C22orf23: variants seen among roughly 807,000 people sequenced by gnomAD.
C22orf23 encodes chromosome 22 open reading frame 23.
C22orf23 carries 30 observed loss-of-function variants against 29.7 expected under a neutral mutation model. The ratio of observed to expected loss-of-function variants is 1.01; its 90% confidence interval spans 0.76 to 1.37. The LOEUF is 1.37. Ranked by LOEUF, C22orf23 falls within the 40% of genes most tolerant of loss-of-function variation. The pLI is 0.00. For synonymous variants in C22orf23, 90 were observed against 96.1 expected (o/e 0.94, Z 0.37); for missense variants, 237 against 273.1 (o/e 0.87, Z 0.93).
chr22:37,950,620 T>C (rs555679714), intron 3 of C22orf23, among the ~76,000 whole-genome samples: 3 of 151,776 alleles, frequency 2.0e-5, no homozygotes, highest in Non-Finnish European at 2.9e-5. Context: ...TTAAAAAATT[T>C]TGGGGGCTGG....
intron 3 of C22orf23, among the ~76,000 whole-genome samples, chr22:37,949,327 A>C (rs1601851364): frequency 7.1e-6 from 1 of 141,142 alleles, no homozygotes; most frequent in African/African-American, 2.7e-5. Context: ...TCTGTTGCCC[A>C]GGCTGGAGTG....
At chr22:37,948,638 GAAACA>G (rs952257259) in intron 3 of C22orf23, among the ~76,000 whole-genome samples, 111 of 152,078 alleles carry the variant, frequency 7.3e-4, no homozygotes, top group African/African-American at 2.1e-3. Flanking sequence ...AAAACAAAAT[GAAACA>G]AAACAAAACA....
intron 2 of C22orf23, chr22:37,951,797 C>CTTTTTTTTTTTTTTTTTT (rs551481283): frequency 1.0e-4 from 4 of 38,750 alleles, no homozygotes; most frequent in African/African-American, 2.1e-4. Context: ...TCCTCTTTCT[C>CTTTTTTTTTTTTTTTTTT]TTTTTTTTTT....
At chr22:37,948,426 G>C (rs1380133381) in intron 3 of C22orf23, among the ~76,000 whole-genome samples, 4 of 151,752 alleles carry the variant, frequency 2.6e-5, no homozygotes, top group African/African-American at 9.7e-5. Context: ...TTCCAGCCTG[G>C]GTGACTGAGC....
chr22:37,947,772 T>C (rs919542277), intron 3 of C22orf23, among the ~76,000 whole-genome samples: 4 of 150,156 alleles, frequency 2.7e-5, no homozygotes, highest in Admixed American at 6.6e-5. Flanking sequence ...CCCAAAGTGC[T>C]AGGATTATAG....
At chr22:37,951,769 CCT>C in intron 2 of C22orf23, 1 of 266,260 alleles carries the variant, frequency 3.8e-6, no homozygotes, top group Non-Finnish European at 6.8e-6. Context: ...AAATTTCTGC[CCT>C]CTGTTAAATA....
In C22orf23 at chr22:37,944,413, C is replaced by A. The variant is rs977781072; in HGVS notation, c.582+4G>T. The A allele has an allele frequency of 2.5e-6, 4 of 1,614,084 alleles. No individual in the cohort carries two copies. Among genetic ancestry groups the A allele is most frequent in the Non-Finnish European group, 3.4e-6 (4 of 1,179,952 alleles). The stretch of plus-strand genomic sequence containing the variant: ...CTCCCCACTTTCCTGGTTGTTTCTC[C>A]TACCTGGGAGATTTCAGCAAGGATG... On this transcript the variant is annotated splice_donor_region_variant and intron_variant, in intron 6 of 6. Coordinates refer to ENST00000403305, the MANE Select transcript of C22orf23 (RefSeq NM_032561.5).
intron 5 of C22orf23, 143 bp downstream of exon 5, chr22:37,944,899 A>T (rs575089465): frequency 4.4e-6 from 4 of 917,366 alleles, no homozygotes; most frequent in Non-Finnish European, 6.4e-6. Context: ...AGACTGTCTC[A>T]AAATAAATAA....
intron 2 of C22orf23, chr22:37,952,678 C>T (rs1022258374): frequency 5.6e-6 from 1 of 179,542 alleles, no homozygotes; most frequent in Non-Finnish European, 1.2e-5. Context: ...GTAACTACCA[C>T]CATTCTTCTC....
chr22:37,953,154 G>T lies in C22orf23; in HGVS notation c.-5C>A, dbSNP rs758913141. ...CATCTGCTTCTGTGAAGCCATGGGA[G>T]GACTCTGAGGAGGGAAAGACGCAAT... On this transcript the variant is annotated 5_prime_UTR_variant, in exon 2 of 7. Transcript: ENST00000403305. 3 of 1,607,976 alleles carry T rather than the reference G, an allele frequency of 1.9e-6. No individual in the cohort carries two copies. In the Admixed American group the frequency reaches 5.0e-5, roughly 27 times the overall value.
At position 37,948,672 on chromosome 22, in the gene C22orf23, G is replaced by A. The variant is rs1280787972; in HGVS notation, c.167-1209C>T. On this transcript the variant is annotated intron_variant, in intron 3 of 6. Transcript: ENST00000403305. The stretch of plus-strand genomic sequence containing the variant: ...CAAAACAAGTCAAACAGTACAAGGA[G>A]TCTTCTCTTCTTCCTTCCAGTCCCA... 2.6e-5 allele frequency among the ~76,000 whole-genome samples: 4 copies of A among 152,186 alleles called. 1 individual carries two copies. The highest frequency in any genetic ancestry group is 4.2e-4 in the South Asian group (2 of 4,812).
intron 4 of C22orf23, among the ~76,000 whole-genome samples, chr22:37,946,620 C>T (rs1216753737): frequency 6.6e-6 from 1 of 151,104 alleles, no homozygotes; most frequent in East Asian, 1.9e-4. Context: ...TCGTTTGTGC[C>T]TGTAATCCCA....
chr22:37,952,830 T>C (rs942907481), intron 2 of C22orf23: 1 of 472,746 alleles, frequency 2.1e-6, no homozygotes, highest in Non-Finnish European at 3.8e-6. Flanking sequence ...GTGACGGCCT[T>C]AGATTCTCAT....
intron 4 of C22orf23, 106 bp downstream of exon 4, chr22:37,947,175 G>T: frequency 1.7e-6 from 2 of 1,202,308 alleles, no homozygotes; most frequent in Non-Finnish European, 1.2e-6. Flanking sequence ...AGTGCATGGG[G>T]ATTTGATTAG....
chr22:37,947,076 T>TA (rs895803639), intron 4 of C22orf23, among the ~76,000 whole-genome samples: 35 of 143,998 alleles, frequency 2.4e-4, no homozygotes, highest in Admixed American at 9.0e-4. Flanking sequence ...TCTGGAAAAA[T>TA]AAAAAAAAAA....
chr22:37,953,574 G>A lies in C22orf23; in HGVS notation c.-136C>T. On this transcript the variant is annotated 5_prime_UTR_variant, in exon 1 of 7. Transcript: ENST00000403305. ...ATACTGCGCGATCTGGGCTGCTGGA[G>A]CTGGCAGCTAGCGCCTCTCGCTACT... 1 of 595,286 alleles carries A rather than the reference G, an allele frequency of 1.7e-6. No individual in the cohort carries two copies. Among genetic ancestry groups the A allele is most frequent in the Admixed American group, 3.4e-5 (1 of 29,622 alleles). 36.9% of individuals were successfully genotyped at this position (595,286 alleles called of 1,614,324 possible). A position where few individuals can be genotyped will look rare whatever the true frequency, so the allele number is the denominator to read the frequency against.
chr22:37,945,614 G>A (rs1930651203), intron 4 of C22orf23, among the ~76,000 whole-genome samples: 1 of 149,168 alleles, frequency 6.7e-6, no homozygotes, highest in Non-Finnish European at 1.5e-5. Context: ...TCAGCCTCCC[G>A]AGTAGCTGGG....
Position 37,947,593 on chromosome 22 carries a change from C to T in C22orf23, c.167-130G>A. 4 of 715,924 alleles carry T rather than the reference C, an allele frequency of 5.6e-6. No homozygotes were observed. In the South Asian group the frequency reaches 9.1e-5, roughly 16 times the overall value. 44.3% of individuals were successfully genotyped at this position (715,924 alleles called of 1,614,324 possible). A position where few individuals can be genotyped will look rare whatever the true frequency, so the allele number is the denominator to read the frequency against. On this transcript the variant is annotated intron_variant, in intron 3 of 6. Transcript: ENST00000403305. Reference sequence around the variant, plus strand: ...CGGCGCGATCTCGGCTTACTGCAACCTCTGCCTCTTAGGTTCAAGCGATTC... The same window carrying T: ...CGGCGCGATCTCGGCTTACTGCAACTTCTGCCTCTTAGGTTCAAGCGATTC...
chr22:37,947,170 A>G (rs1178409414), intron 4 of C22orf23, 111 bp downstream of exon 4: 2 of 1,140,612 alleles, frequency 1.8e-6, no homozygotes, highest in Non-Finnish European at 2.6e-6. Context: ...TACAAAGTGC[A>G]TGGGGATTTG....
Sources: gnomAD v4.1 joint callset for allele counts (sites outside exome capture counted in the v4.1 genomes callset) on GRCh38, gnomAD v4.1.1 for gene constraint, MANE v1.5 for transcripts, NCBI Gene and HGNC (gene_info 2026-07-23, HGNC 2026-07-21) for gene names.